Variants in KCNIP4 observed in about 807,000 individuals in gnomAD.
KCNIP4 encodes the protein Kv channel-interacting protein 4.
In KCNIP4, 12 loss-of-function variants were observed where a neutral mutation model predicts 34.0. That is an observed-to-expected ratio of 0.35 (90% CI 0.23 to 0.57). KCNIP4 has a LOEUF of 0.57. Ranked by LOEUF, KCNIP4 falls within the 20% of genes least tolerant of loss-of-function variation. KCNIP4 has a pLI of 0.83. For synonymous variants in KCNIP4, 124 were observed against 102.2 expected, an observed-to-expected ratio of 1.21 and a Z score of -1.29; for missense variants, 238 against 311.7, an observed-to-expected ratio of 0.76 and a Z score of 1.78.
rs554304981 is a variant in KCNIP4 at position 20,782,276 on chromosome 4, T to C, written c.289-23386A>G. 9.2e-5 allele frequency among the ~76,000 whole-genome samples: 14 copies of C among 152,192 alleles called. No individual in the cohort carries two copies. The South Asian group carries it at 2.9e-3, about 32-fold the overall frequency. On this transcript the variant is annotated intron_variant, in intron 3 of 8. Coordinates refer to ENST00000382152, the MANE Select transcript of KCNIP4 (RefSeq NM_025221.6). The stretch of plus-strand genomic sequence containing the variant: ...GGTGCCAGCTGTAGGTGGATCTACC[T>C]ACAGCTGGGGTCTGGAGGATGGTGG...
intron 1 of KCNIP4, among the ~76,000 whole-genome samples, chr4:21,919,975 C>T (rs1357958261): frequency 6.6e-6 from 1 of 152,124 alleles, no homozygotes; most frequent in Non-Finnish European, 1.5e-5. Flanking sequence ...AAAACCAATT[C>T]ATAAGCTGTA....
At chr4:21,065,003 A>AT (rs1489633789) in intron 1 of KCNIP4, among the ~76,000 whole-genome samples, 1 of 152,180 alleles carries the variant, frequency 6.6e-6, no homozygotes, top group Admixed American at 6.6e-5. Flanking sequence ...CTGTTCATTA[A>AT]TTGATGAACT....
intron 1 of KCNIP4, chr4:21,613,748 T>A (rs1216654128): frequency 6.6e-6 from 1 of 152,166 alleles, no homozygotes. Flanking sequence ...GTAAGAAATG[T>A]TCCATGCATT....
intron 1 of KCNIP4, among the ~76,000 whole-genome samples, chr4:21,765,810 C>T (rs1718369056): frequency 8.3e-6 from 1 of 120,654 alleles, no homozygotes; most frequent in Non-Finnish European, 1.6e-5. Context: ...GATCTTAGCA[C>T]CAGGCCGTGA....
chr4:21,655,286 G>T (rs937110754), intron 1 of KCNIP4, among the ~76,000 whole-genome samples: 1 of 152,032 alleles, frequency 6.6e-6, no homozygotes, highest in Non-Finnish European at 1.5e-5. Context: ...CTACTTAATA[G>T]ATAATCTGCA....
intron 1 of KCNIP4, among the ~76,000 whole-genome samples, chr4:21,519,916 T>A (rs115422526): frequency 0.011 from 1,576 of 149,622 alleles, 28 homozygotes; most frequent in African/African-American, 0.037. Context: ...ATATGTATAG[T>A]TAAGTATTAG....
At chr4:21,711,342 T>C (rs1713707656) in intron 1 of KCNIP4, among the ~76,000 whole-genome samples, 1 of 152,066 alleles carries the variant, frequency 6.6e-6, no homozygotes, top group Non-Finnish European at 1.5e-5. Flanking sequence ...TGTGGTGACA[T>C]GCACCTATAG....
At position 21,200,399 on chromosome 4, in the gene KCNIP4, T is replaced by TAC. The variant is rs1198378551; in HGVS notation, c.62-317692_62-317691dup. On this transcript the variant is annotated intron_variant, in intron 1 of 8. Transcript: ENST00000382152. Reference sequence around the variant, plus strand: ...ATATGTGTGTATATATATATATACATACATATATGTGTGTATATATATACA... The same window carrying TAC: ...ATATGTGTGTATATATATATATACATACACATATATGTGTGTATATATATACA... Among the ~76,000 whole-genome samples the TAC allele has an allele frequency of 1.8e-4, 12 of 67,366 alleles. 1 individual carries two copies. Among genetic ancestry groups the TAC allele is most frequent in the African/African-American group, 9.4e-4 (9 of 9,528 alleles). The allele number at this position is 67,366 out of a possible 152,430, so 44.2% of individuals were successfully genotyped here. A position where few individuals can be genotyped will look rare whatever the true frequency, so the allele number is the denominator to read the frequency against.
At chr4:21,891,765 C>T (rs1456713930) in intron 1 of KCNIP4, among the ~76,000 whole-genome samples, 2 of 152,080 alleles carry the variant, frequency 1.3e-5, no homozygotes, top group African/African-American at 2.4e-5. Context: ...TTCTTTTATG[C>T]CTGGCTCACC....
At chr4:21,830,166 T>A (rs1722895048) in intron 1 of KCNIP4, among the ~76,000 whole-genome samples, 1 of 151,970 alleles carries the variant, frequency 6.6e-6, no homozygotes, top group African/African-American at 2.4e-5. Flanking sequence ...TCCACAAATA[T>A]AAATCAAAAG....
chr4:20,920,797 C>T (rs1259765293), intron 1 of KCNIP4, among the ~76,000 whole-genome samples: 1 of 152,120 alleles, frequency 6.6e-6, no homozygotes, highest in Non-Finnish European at 1.5e-5. Context: ...CGAGACCAGC[C>T]TGGCCAATAT....
chr4:21,589,472 T>C (rs1741999291), intron 1 of KCNIP4, among the ~76,000 whole-genome samples: 1 of 150,786 alleles, frequency 6.6e-6, no homozygotes, highest in African/African-American at 2.4e-5. Context: ...TGAGGCATAG[T>C]CTAGACCACA....
chr4:21,217,625 T>C (rs547208200), intron 1 of KCNIP4, among the ~76,000 whole-genome samples: 4 of 152,202 alleles, frequency 2.6e-5, no homozygotes, highest in Admixed American at 2.6e-4. Context: ...GATTAAAAGA[T>C]GAGTTTTGGG....
intron 1 of KCNIP4, among the ~76,000 whole-genome samples, chr4:21,373,265 G>T (rs1397321351): frequency 6.8e-6 from 1 of 146,748 alleles, no homozygotes; most frequent in Non-Finnish European, 1.5e-5. Context: ...GAGGGTTGCA[G>T]TGAGTTATCA....
intron 1 of KCNIP4, among the ~76,000 whole-genome samples, chr4:21,074,215 T>C (rs1273616519): frequency 2.0e-5 from 3 of 152,158 alleles, no homozygotes; most frequent in Admixed American, 1.3e-4. Flanking sequence ...AGGAATGGTA[T>C]CAGCTCCTCC....
intron 1 of KCNIP4, chr4:21,656,457 CTCTTT>C (rs1302613542): frequency 6.6e-6 from 1 of 152,184 alleles, no homozygotes; most frequent in Non-Finnish European, 1.5e-5. Flanking sequence ...TGCTAACAGT[CTCTTT>C]TATTTATTTA....
chr4:21,389,929 G>C (rs1216682436), intron 1 of KCNIP4, among the ~76,000 whole-genome samples: 1 of 151,080 alleles, frequency 6.6e-6, no homozygotes, highest in East Asian at 2.0e-4. Context: ...CAGTGTAAAA[G>C]TGTTTCTATT....
chr4:21,252,129 G>GTTTT (rs61183224), intron 1 of KCNIP4, among the ~76,000 whole-genome samples: 2 of 112,892 alleles, frequency 1.8e-5, no homozygotes, highest in African/African-American at 3.5e-5. Flanking sequence ...ATGAGGTTTT[G>GTTTT]TTTTTTTTTT....
At chr4:21,185,594 A>G (rs1283427834) in intron 1 of KCNIP4, among the ~76,000 whole-genome samples, 1 of 151,958 alleles carries the variant, frequency 6.6e-6, no homozygotes, top group South Asian at 2.1e-4. Context: ...CATCTGAGAA[A>G]TGGGGCTAGA....
Sources: gnomAD v4.1 joint callset for allele counts (sites outside exome capture counted in the v4.1 genomes callset) on GRCh38, gnomAD v4.1.1 for gene constraint, MANE v1.5 for transcripts, NCBI Gene and HGNC (gene_info 2026-07-23, HGNC 2026-07-21) for gene names.